Variants in SIRPD observed in about 807,000 individuals in gnomAD.
SIRPD encodes the protein signal regulatory protein delta, also known as signal-regulatory protein delta.
A neutral mutation model predicts 18.0 loss-of-function variants in SIRPD; 21 were observed. The ratio of observed to expected loss-of-function variants is 1.17; its 90% confidence interval spans 0.83 to 1.68. The LOEUF is 1.68. Among genes scored for constraint, SIRPD ranks in the 40% most tolerant of loss-of-function variants. The pLI, the probability that SIRPD is intolerant of heterozygous loss-of-function variation, is 0.00. For synonymous variants in SIRPD, 106 were observed against 92.9 expected (o/e 1.14, Z -0.81); for missense variants, 295 against 238.4 (o/e 1.24, Z -1.56).
intron 2 of SIRPD, 116 bp from the exon 3 acceptor site, chr20:1,537,426 G>C: frequency 8.2e-7 from 1 of 1,218,066 alleles, no homozygotes; most frequent in East Asian, 2.4e-5. Flanking sequence ...ATAGGAATCA[G>C]ACACAAGCTA....
intron 2 of SIRPD, among the ~76,000 whole-genome samples, chr20:1,551,444 T>C (rs2091018539): frequency 6.6e-6 from 1 of 152,184 alleles, no homozygotes; most frequent in African/African-American, 2.4e-5. Context: ...AGGTTAGTCA[T>C]GGGGGTGGAT....
intron 2 of SIRPD, among the ~76,000 whole-genome samples, chr20:1,541,096 C>T (rs1413563889): frequency 6.6e-6 from 1 of 152,176 alleles, no homozygotes; most frequent in Non-Finnish European, 1.5e-5. Flanking sequence ...CTGCAATAAA[C>T]ATACATGTGC....
At position 1,551,850 on chromosome 20, in the gene SIRPD, C is replaced by T. The variant is rs1394978249; in HGVS notation, c.262G>A (p.Glu88Lys). The T allele has an allele frequency of 8.7e-6, 14 of 1,613,994 alleles. No individual in the cohort carries two copies. The South Asian group carries it at 1.5e-4, about 18-fold the overall frequency. The change falls in exon 2 of 4, where the codon GAG (glutamate) becomes AAG (lysine). Residue 88 changes from glutamate to lysine, a missense_variant. Glu to Lys is a moderately conservative substitution (Grantham distance 56). Transcript: ENST00000381623. ...FKQGNFPRVK[E>K]IGDTTKPGNT... ...CCAGGCTTGGTGGTGTCTCCAATCT[C>T]TTTTACTCTGGGAAAGTTACCTTGT... is the stretch of plus-strand genomic sequence containing the variant.
chr20:1,537,302 G>T lies in SIRPD; in HGVS notation c.430C>A (p.Pro144Thr), dbSNP rs1428587747. ...GCAGGTCTGTTCTTGGGAGGTCTTG[G>T]ATTCTGCTCTGCTGAGAGAGGCAAA... ...GTQVFVTEQN[P>T]RPPKNRPAGR... is the part of the protein sequence containing the mutation. Residue 144 changes from proline (P) to threonine (T), a missense_variant, in exon 3 of 4, where the codon CCA (proline) becomes ACA (threonine). Transcript: ENST00000381623. 1.2e-6 allele frequency: 2 copies of T among 1,613,888 alleles called. No homozygotes were observed. The highest frequency in any genetic ancestry group is 3.3e-5 in the Admixed American group (2 of 59,984).
intron 2 of SIRPD, among the ~76,000 whole-genome samples, chr20:1,543,725 A>T (rs575718147): frequency 6.6e-6 from 1 of 152,234 alleles, no homozygotes; most frequent in South Asian, 2.1e-4. Flanking sequence ...TCTATTTTAG[A>T]TCTTTCCTGC....
intron 1 of SIRPD, among the ~76,000 whole-genome samples, chr20:1,553,583 T>C (rs566382148): frequency 6.6e-6 from 1 of 152,296 alleles, no homozygotes; most frequent in East Asian, 1.9e-4. Flanking sequence ...CGTAAAACCT[T>C]AGAAGTCAGT....
chr20:1,549,757 C>T (rs2091010528), intron 2 of SIRPD, among the ~76,000 whole-genome samples: 2 of 152,110 alleles, frequency 1.3e-5, no homozygotes, highest in African/African-American at 4.8e-5. Context: ...TCACCAGTTT[C>T]CATGGAGTGG....
intron 3 of SIRPD, among the ~76,000 whole-genome samples, chr20:1,534,953 G>A (rs941311463): frequency 1.3e-5 from 2 of 152,110 alleles, no homozygotes; most frequent in Admixed American, 6.5e-5. Flanking sequence ...ATCAGACAAG[G>A]GTGAATATGA....
At chr20:1,545,748 A>T (rs148297265) in intron 2 of SIRPD, among the ~76,000 whole-genome samples, 1 of 151,966 alleles carries the variant, frequency 6.6e-6, no homozygotes, top group South Asian at 2.1e-4. Flanking sequence ...CCTCATTTTC[A>T]TGGATTTATC....
intron 3 of SIRPD, 85 bp downstream of exon 3, chr20:1,537,070 C>T: frequency 4.0e-6 from 6 of 1,505,814 alleles, no homozygotes; most frequent in East Asian, 2.3e-5. Context: ...GATTCATCCG[C>T]CCCACTGCAG....
chr20:1,553,052 A>G (rs1358738635), intron 1 of SIRPD, among the ~76,000 whole-genome samples: 1 of 152,204 alleles, frequency 6.6e-6, no homozygotes, highest in Non-Finnish European at 1.5e-5. Flanking sequence ...GAATAAAAAT[A>G]CTGGGAATTA....
At chr20:1,550,462 A>T (rs1332196497) in intron 2 of SIRPD, among the ~76,000 whole-genome samples, 2 of 152,190 alleles carry the variant, frequency 1.3e-5, no homozygotes, top group African/African-American at 4.8e-5. Flanking sequence ...CTGAAGGTTT[A>T]TATGCAGCAG....
At position 1,537,159 on chromosome 20, in the gene SIRPD, G is replaced by A. The variant is rs774358208; in HGVS notation, c.573C>T (p.Leu191=). ...QPCCCLRLLG[L]TGLLSK is the part of the protein sequence containing the mutation. Reference sequence around the variant, plus strand: ...CCTGAGGGTGGGGGCACTCACCTGTGAGTCCCAGCAGCCGGAGGCAGCAGC... The same window carrying A: ...CCTGAGGGTGGGGGCACTCACCTGTAAGTCCCAGCAGCCGGAGGCAGCAGC... Residue 191 remains leucine, a synonymous_variant, in exon 3 of 4, where the codon CTC becomes CTT. Coordinates refer to ENST00000381623, the MANE Select transcript of SIRPD (RefSeq NM_178460.3). 3.3e-5 allele frequency: 53 copies of A among 1,613,722 alleles called. No individual in the cohort carries two copies. The highest frequency in any genetic ancestry group is 8.3e-5 in the Admixed American group (5 of 59,966).
At chr20:1,549,020 A>T (rs1354918448) in intron 2 of SIRPD, among the ~76,000 whole-genome samples, 1 of 151,934 alleles carries the variant, frequency 6.6e-6, no homozygotes, top group Non-Finnish European at 1.5e-5. Flanking sequence ...TTCATTTTTT[A>T]AATGTTATTT....
intron 3 of SIRPD, among the ~76,000 whole-genome samples, chr20:1,536,532 A>G (rs139986022): frequency 1.6e-4 from 25 of 152,074 alleles, no homozygotes; most frequent in African/African-American, 5.6e-4. Flanking sequence ...TGGAGAGAAG[A>G]GAGTAGACAG....
intron 2 of SIRPD, among the ~76,000 whole-genome samples, chr20:1,548,014 A>G (rs1478554427): frequency 6.6e-6 from 1 of 152,238 alleles, no homozygotes; most frequent in Non-Finnish European, 1.5e-5. Context: ...GTACAAGAAC[A>G]TGCCATTTGT....
intron 1 of SIRPD, among the ~76,000 whole-genome samples, chr20:1,552,570 C>T (rs2091024213): frequency 6.6e-6 from 1 of 152,108 alleles, no homozygotes; most frequent in South Asian, 2.1e-4. Flanking sequence ...GGTTCCACTA[C>T]TTATCTCTTC....
At chr20:1,534,471 A>AAATAT in intron 3 of SIRPD, 30 bp from the exon 4 acceptor site, 2 of 1,590,084 alleles carry the variant, frequency 1.3e-6, no homozygotes, top group Non-Finnish European at 1.7e-6. Context: ...AAATAAAATA[A>AAATAT]AACATTTCTC....
chr20:1,542,108 G>A (rs951494230), intron 2 of SIRPD, among the ~76,000 whole-genome samples: 8 of 152,146 alleles, frequency 5.3e-5, no homozygotes, highest in Admixed American at 2.0e-4. Flanking sequence ...GCTTAGGATT[G>A]TCTTGGCTAT....
Sources: allele counts gnomAD v4.1 joint callset (sites outside exome capture counted in the v4.1 genomes callset), GRCh38; gene constraint gnomAD v4.1.1; transcripts MANE v1.5; gene names NCBI Gene and HGNC (gene_info 2026-07-23, HGNC 2026-07-21).